COLGALT1: variants seen among roughly 807,000 people sequenced by gnomAD.
COLGALT1 encodes the protein procollagen galactosyltransferase 1.
In COLGALT1, 43 loss-of-function variants were observed where a neutral mutation model predicts 60.8. That is an observed-to-expected ratio of 0.71 (90% CI 0.55 to 0.91). COLGALT1 has a LOEUF of 0.91. Ranked by LOEUF, COLGALT1 falls within the 40% of genes least tolerant of loss-of-function variation. The pLI, the probability that COLGALT1 is intolerant of heterozygous loss-of-function variation, is 0.00. For missense variants in COLGALT1, 845 were observed against 880.0 expected, an observed-to-expected ratio of 0.96 and a Z score of 0.50; for synonymous variants, 369 against 374.2, an observed-to-expected ratio of 0.99 and a Z score of 0.16.
chr19:17,579,678 G>A, intron 10 of COLGALT1, 69 bp downstream of exon 10: 3 of 1,473,904 alleles, frequency 2.0e-6, no homozygotes, highest in Non-Finnish European at 2.8e-6. Flanking sequence ...AGGTGGGGGT[G>A]GGGGCAGGGT....
chr19:17,565,714 C>A (rs1398052441), intron 3 of COLGALT1, among the ~76,000 whole-genome samples: 1 of 152,148 alleles, frequency 6.6e-6, no homozygotes, highest in Non-Finnish European at 1.5e-5. Context: ...TCCTTTCTTT[C>A]AATTCTCTTG....
intron 5 of COLGALT1, 35 bp from the exon 6 acceptor site, chr19:17,572,448 T>G (rs773342371): frequency 1.9e-6 from 3 of 1,613,458 alleles, no homozygotes; most frequent in Non-Finnish European, 2.5e-6. Context: ...CTCGCCTGTT[T>G]TTACATTTGT....
rs753758390 is a variant in COLGALT1 at position 17,581,269 on chromosome 19, A to G, written c.1694A>G (p.Asp565Gly). 38 of 1,611,730 alleles carry G rather than the reference A, an allele frequency of 2.4e-5. 1 individual carries two copies. Among genetic ancestry groups the G allele is most frequent in the African/African-American group, 1.3e-5 (1 of 74,666 alleles). ...TACCCCACACACTACACAGGAGACG[A>G]TGGCTATGTGAGTGACACCGAGACC... Reference protein sequence around the residue: ...LIYPTHYTGDDGYVSDTETSV... With the variant: ...LIYPTHYTGDGGYVSDTETSV... Residue 565 changes from aspartate (D) to glycine (G), a missense_variant, in exon 12 of 12, where the codon GAT becomes GGT. Asp to Gly is a moderately conservative substitution (Grantham distance 94, BLOSUM62 -1). Coordinates refer to ENST00000252599, the MANE Select transcript of COLGALT1 (RefSeq NM_024656.4).
intron 11 of COLGALT1, 99 bp from the exon 12 acceptor site, chr19:17,581,078 T>G: frequency 1.4e-6 from 2 of 1,452,388 alleles, no homozygotes; most frequent in Non-Finnish European, 1.9e-6. Flanking sequence ...ACTTACGTTT[T>G]AATCTGTCCC....
chr19:17,568,425 T>G (rs1161223149), intron 4 of COLGALT1, 84 bp from the exon 5 acceptor site: 5 of 1,210,086 alleles, frequency 4.1e-6, no homozygotes, highest in African/African-American at 1.5e-5. Flanking sequence ...GTCTGTCTGG[T>G]CCTGTTTCAT....
At chr19:17,579,438 C>G (rs569782772) in intron 9 of COLGALT1, 44 bp from the exon 10 acceptor site, 2 of 1,613,744 alleles carry the variant, frequency 1.2e-6, no homozygotes, top group Non-Finnish European at 1.7e-6. Context: ...AGGGTCAGGC[C>G]TGGCCTTGGC....
intron 1 of COLGALT1, among the ~76,000 whole-genome samples, chr19:17,557,608 C>CT (rs145127046): frequency 7.4e-5 from 11 of 148,886 alleles, no homozygotes; most frequent in East Asian, 2.0e-4. Context: ...CTGAGATATA[C>CT]TTTTTTTTTT....
chr19:17,579,010 CAAAAAA>C, intron 9 of COLGALT1, among the ~76,000 whole-genome samples: 1 of 150,480 alleles, frequency 6.6e-6, no homozygotes, highest in South Asian at 2.1e-4. Flanking sequence ...CACTCCATCT[CAAAAAA>C]AGAAAAATAA....
At chr19:17,576,287 G>A (rs1301432733) in intron 6 of COLGALT1, among the ~76,000 whole-genome samples, 1 of 152,102 alleles carries the variant, frequency 6.6e-6, no homozygotes, top group Non-Finnish European at 1.5e-5. Flanking sequence ...CAGAGGAGGT[G>A]CCTGGCTCAG....
Position 17,577,260 on chromosome 19 carries a change from G to A in COLGALT1, c.1015G>A (p.Gly339Ser). ...TCCCACCAAGACACCGGACAAGATG[G>A]GCTTCGACGAGGTGAGCTGGGCCTT... ...SAPTKTPDKM[G>S]FDEVFMINLR... Residue 339 changes from glycine (G) to serine (S), a missense_variant, in exon 7 of 12, where the codon GGC becomes AGC. Transcript: ENST00000252599. The A allele has an allele frequency of 6.2e-7, 1 of 1,613,238 alleles. No individual in the cohort carries two copies. Among genetic ancestry groups the A allele is most frequent in the Non-Finnish European group, 8.5e-7 (1 of 1,179,666 alleles).
At position 17,582,221 on chromosome 19, in the gene COLGALT1, A is replaced by C. The variant is rs1054892429; in HGVS notation, c.*777A>C. Reference sequence around the variant, plus strand: ...ACTGTGCCCAGCCCAGGCTCTGGGAATATTGAGATAAATAAGATGCTTCTA... The same window carrying C: ...ACTGTGCCCAGCCCAGGCTCTGGGACTATTGAGATAAATAAGATGCTTCTA... On this transcript the variant is annotated 3_prime_UTR_variant, in exon 12 of 12. Coordinates refer to ENST00000252599, the MANE Select transcript of COLGALT1 (RefSeq NM_024656.4). The C allele has an allele frequency of 2.6e-5, 4 of 152,054 alleles. No individual in the cohort carries two copies. The highest frequency in any genetic ancestry group is 9.7e-5 in the African/African-American group (4 of 41,418). 9.4% of individuals were successfully genotyped at this position (152,054 alleles called of 1,614,324 possible). A position where few individuals can be genotyped will look rare whatever the true frequency, so the allele number is the denominator to read the frequency against.
At chr19:17,571,902 T>G (rs1447293783) in intron 5 of COLGALT1, 1 of 152,236 alleles carries the variant, frequency 6.6e-6, no homozygotes, top group Non-Finnish European at 1.5e-5. Context: ...TGGAGTGCAG[T>G]GTGCCATCAT....
intron 1 of COLGALT1, chr19:17,556,546 G>C: frequency 1.0e-6 from 1 of 985,452 alleles, no homozygotes; most frequent in Non-Finnish European, 1.2e-6. Flanking sequence ...ATGCTTTCTT[G>C]GTAGGGAATG....
At position 17,582,332 on chromosome 19, in the gene COLGALT1, T is replaced by TGA. The variant is rs1438779185; in HGVS notation, c.*890_*891dup. On this transcript the variant is annotated 3_prime_UTR_variant, in exon 12 of 12. Coordinates refer to ENST00000252599, the MANE Select transcript of COLGALT1 (RefSeq NM_024656.4). ...TAAGTTCCTGATTCGGTACACTTAC[T>TGA]GAGCACCTGCTGTGTGCAGGGAGCT... 4 of 152,350 alleles carry TGA rather than the reference T, an allele frequency of 2.6e-5. No individual in the cohort carries two copies. The highest frequency in any genetic ancestry group is 4.4e-5 in the Non-Finnish European group (3 of 68,044). 9.4% of individuals were successfully genotyped at this position (152,350 alleles called of 1,614,324 possible). A position where few individuals can be genotyped will look rare whatever the true frequency, so the allele number is the denominator to read the frequency against.
intron 5 of COLGALT1, among the ~76,000 whole-genome samples, chr19:17,571,658 C>T (rs2076313326): frequency 6.6e-6 from 1 of 151,748 alleles, no homozygotes; most frequent in Non-Finnish European, 1.5e-5. Flanking sequence ...GCGGAGGTTG[C>T]AGTGAGCCGA....
chr19:17,559,354 C>G lies in COLGALT1; in HGVS notation c.304C>G (p.Arg102Gly). Residue 102 changes from arginine (R) to glycine (G), a missense_variant, in exon 2 of 12, where the codon CGG becomes GGG. Coordinates refer to ENST00000252599, the MANE Select transcript of COLGALT1 (RefSeq NM_024656.4). ...HNMDNTSTVL[R>G]EWLVAVKSLY... ...CATGGATAACACGTCAACTGTGCTG[C>G]GGGAGTGGCTGGTGGCCGTGAAGAG... 2 of 1,552,888 alleles carry G rather than the reference C, an allele frequency of 1.3e-6. No individual in the cohort carries two copies. The highest frequency in any genetic ancestry group is 2.4e-5 in the South Asian group (2 of 84,098).
In COLGALT1 at chr19:17,582,527, C is replaced by T. The variant is rs1042754866; in HGVS notation, c.*1083C>T. 1 of 152,198 alleles carries T rather than the reference C, an allele frequency of 6.6e-6. No individual in the cohort carries two copies. The highest frequency in any genetic ancestry group is 2.4e-5 in the African/African-American group (1 of 41,444). The allele number at this position is 152,198 out of a possible 1,614,324, so 9.4% of individuals were successfully genotyped here. A position where few individuals can be genotyped will look rare whatever the true frequency, so the allele number is the denominator to read the frequency against. ...GATACAAAAGAGTGTGACAGTTGTT[C>T]AGTCTGCATTTTCGATCATGGGCTA... On this transcript the variant is annotated 3_prime_UTR_variant, in exon 12 of 12. Coordinates refer to ENST00000252599, the MANE Select transcript of COLGALT1 (RefSeq NM_024656.4).
intron 5 of COLGALT1, among the ~76,000 whole-genome samples, chr19:17,569,254 A>C (rs1333253626): frequency 1.3e-5 from 2 of 152,106 alleles, no homozygotes; most frequent in Non-Finnish European, 2.9e-5. Flanking sequence ...ATTATTTTTT[A>C]ATTTGTGTAA....
At chr19:17,574,373 A>G (rs971032870) in intron 6 of COLGALT1, among the ~76,000 whole-genome samples, 3 of 149,434 alleles carry the variant, frequency 2.0e-5, no homozygotes, top group African/African-American at 7.4e-5. Context: ...TTTGTCACCC[A>G]GGCTGGAATG....
Sources: gnomAD v4.1 joint callset for allele counts (sites outside exome capture counted in the v4.1 genomes callset) on GRCh38, gnomAD v4.1.1 for gene constraint, MANE v1.5 for transcripts, NCBI Gene and HGNC (gene_info 2026-07-23, HGNC 2026-07-21) for gene names.